The following ABCA3 variants were observed in gnomAD, a reference collection of about 807,000 sequenced individuals.
ABCA3 encodes the protein phospholipid-transporting ATPase ABCA3.
Under a neutral mutation model 172.8 loss-of-function variants are expected in ABCA3, and 88 were observed. That is an observed-to-expected ratio of 0.51 (90% CI 0.43 to 0.61). The LOEUF (loss-of-function observed/expected upper bound fraction) is 0.61, where lower values mean the gene tolerates loss of function less well. Ranked by LOEUF, ABCA3 falls within the 20% of genes least tolerant of loss-of-function variation. The pLI is 0.00. For missense variants in ABCA3, 2,164 were observed against 2,301.0 expected, an observed-to-expected ratio of 0.94 and a Z score of 1.22; for synonymous variants, 1,066 against 983.8, an observed-to-expected ratio of 1.08 and a Z score of -1.56.
chr16:2,299,089 C>G (rs982898380), intron 14 of ABCA3, among the ~76,000 whole-genome samples: 2 of 142,326 alleles, frequency 1.4e-5, no homozygotes, highest in African/African-American at 5.1e-5. Flanking sequence ...GCAGGGGTCC[C>G]TGGGGGTCCC....
In ABCA3 at chr16:2,319,623, G is replaced by C; in HGVS notation, c.831C>G (p.Thr277=). 1 of 1,613,508 alleles carries C rather than the reference G, an allele frequency of 6.2e-7. No individual in the cohort carries two copies. Among genetic ancestry groups the C allele is most frequent in the South Asian group, 1.1e-5 (1 of 91,088 alleles). ...TCTCCTGCACGACAGCACGGGCAAT[G>C]GTGAGCGCGGTGTAGGTGAAGCTGA... ...LLLSFTYTAL[T]IARAVVQEKE... The change falls in exon 8 of 33, where the codon ACC becomes ACG. Residue 277 remains threonine, a synonymous_variant. Coordinates refer to ENST00000301732, the MANE Select transcript of ABCA3 (RefSeq NM_001089.3).
Position 2,297,299 on chromosome 16 carries a change from A to G in ABCA3, c.2263+30T>C, listed in dbSNP as rs774613961. On this transcript the variant is annotated intron_variant, in intron 17 of 32. Coordinates refer to ENST00000301732, the MANE Select transcript of ABCA3 (RefSeq NM_001089.3). This position sits in a 1 kb window ranked among gnomAD's most constrained non-coding sequence, Gnocchi z 5.6. ...CCTCAGCACGGCAGCCAGGACACCGACCCTGTCGCGGGCTGGCCCCACCGC... is the reference window on the plus strand; with the variant it reads ...CCTCAGCACGGCAGCCAGGACACCGGCCCTGTCGCGGGCTGGCCCCACCGC... 19 of 1,605,186 alleles carry G rather than the reference A, an allele frequency of 1.2e-5. No homozygotes were observed. The East Asian group carries it at 4.0e-4, about 34-fold the overall frequency.
chr16:2,300,527 G>A (rs546099685), intron 12 of ABCA3, among the ~76,000 whole-genome samples: 2 of 152,158 alleles, frequency 1.3e-5, no homozygotes, highest in Non-Finnish European at 2.9e-5. Context: ...CATGCCACCC[G>A]GCTGTTTCTT....
rs1460148886 is a variant in ABCA3, at chr16:2,285,709, G to C, written c.3279-63C>G. 2.0e-6 allele frequency: 3 copies of C among 1,521,578 alleles called. No homozygotes were observed. Among genetic ancestry groups the C allele is most frequent in the Non-Finnish European group, 2.7e-6 (3 of 1,123,166 alleles). 94.3% of individuals were successfully genotyped at this position (1,521,578 alleles called of 1,614,324 possible). A position where few individuals can be genotyped will look rare whatever the true frequency, so the allele number is the denominator to read the frequency against. ...ACGTCTGGGTGGCAGGAGAGGTCGG[G>C]TTCTCGGTTATGACCGCCCAAGGCA... On this transcript the variant is annotated intron_variant, in intron 22 of 32. Coordinates refer to ENST00000301732, the MANE Select transcript of ABCA3 (RefSeq NM_001089.3). The surrounding 1 kb of genome is among the most constrained non-coding windows in gnomAD (Gnocchi z 4.7).
rs994877710 is a variant in ABCA3 at position 2,288,345 on chromosome 16, C to A, written c.2701-16G>T. ...GCAGGGCGAGCTGCGGCAGAGGGGA[C>A]GCAGGTGACACCGGCACCGCTTGGG... On this transcript the variant is annotated splice_polypyrimidine_tract_variant and intron_variant, in intron 20 of 32. Transcript: ENST00000301732. 2 of 1,541,988 alleles carry A rather than the reference C, an allele frequency of 1.3e-6. No individual in the cohort carries two copies. The highest frequency in any genetic ancestry group is 1.2e-5 in the South Asian group (1 of 84,600).
At chr16:2,299,840 G>A (rs997651752) in intron 13 of ABCA3, among the ~76,000 whole-genome samples, 165 bp downstream of exon 13, 1 of 152,192 alleles carries the variant, frequency 6.6e-6, no homozygotes, top group Admixed American at 6.5e-5. Context: ...TGTGCCCTGG[G>A]GAACCGGTTA....
Position 2,281,243 on chromosome 16 carries a change from C to T in ABCA3, c.4165-22G>A, listed in dbSNP as rs780837626. The T allele has an allele frequency of 1.2e-6, 2 of 1,613,328 alleles. No individual in the cohort carries two copies. Among genetic ancestry groups the T allele is most frequent in the Non-Finnish European group, 8.5e-7 (1 of 1,179,940 alleles). On this transcript the variant is annotated intron_variant, in intron 27 of 32. Transcript: ENST00000301732. This position sits in a 1 kb window ranked among gnomAD's most constrained non-coding sequence, Gnocchi z 4.7. ...ACACCTGCAGGCACCCAACAGAAAA[C>T]ACGGAATGCGGAGGCCTGGACGCAA...
chr16:2,307,865 A>G, intron 11 of ABCA3, among the ~76,000 whole-genome samples: 1 of 151,998 alleles, frequency 6.6e-6, no homozygotes, highest in African/African-American at 2.4e-5. Flanking sequence ...TCAGCCTCCC[A>G]AAGTGCTGGG....
intron 7 of ABCA3, 138 bp from the exon 8 acceptor site, chr16:2,319,978 T>C (rs1596862280): frequency 1.1e-5 from 12 of 1,077,758 alleles, no homozygotes; most frequent in Non-Finnish European, 1.6e-5. Context: ...CCGTGGCCGC[T>C]CAGTGGTCCC....
At chr16:2,320,472 G>A (rs533976995) in intron 7 of ABCA3, among the ~76,000 whole-genome samples, 7 of 132,246 alleles carry the variant, frequency 5.3e-5, no homozygotes, top group Admixed American at 2.3e-4. Context: ...TCACTGCAAC[G>A]TCTGCCTCCT....
At chr16:2,327,396 CA>C (rs1451871178) in intron 3 of ABCA3, among the ~76,000 whole-genome samples, 1 of 152,170 alleles carries the variant, frequency 6.6e-6, no homozygotes, top group African/African-American at 2.4e-5. Context: ...TATTTATTAC[CA>C]AAATATTCAG....
Position 2,300,218 on chromosome 16 carries a change from C to G in ABCA3, c.1468-70G>C. The G allele has an allele frequency of 1.9e-6, 3 of 1,600,418 alleles. No homozygotes were observed. In the Admixed American group the frequency reaches 5.0e-5, roughly 27 times the overall value. ...AGCAAAGCAACAACCAGCAGACACA[C>G]TAGATGCACACAGCCATGCAGCCTC... On this transcript the variant is annotated intron_variant, in intron 12 of 32. Coordinates refer to ENST00000301732, the MANE Select transcript of ABCA3 (RefSeq NM_001089.3).
Position 2,298,436 on chromosome 16 carries a change from T to C in ABCA3, c.1846A>G (p.Ile616Val). 6.2e-7 allele frequency: 1 copy of C among 1,614,134 alleles called. No individual in the cohort carries two copies. The highest frequency in any genetic ancestry group is 1.3e-5 in the African/African-American group (1 of 75,070). Reference sequence around the variant, plus strand: ...GCGACTGTCAAGTTGTCAAACAGGATGTCGTGCTGCGGGCACAGGCCCAGG... The same window carrying C: ...GCGACTGTCAAGTTGTCAAACAGGACGTCGTGCTGCGGGCACAGGCCCAGG... ...KSLGLCPQHDILFDNLTVAEH... is the reference protein window; with the variant it reads ...KSLGLCPQHDVLFDNLTVAEH... Residue 616 changes from isoleucine (I) to valine (V), a missense_variant, in exon 15 of 33, where the codon ATC becomes GTC. Ile to Val is a conservative substitution (Grantham distance 29). Coordinates refer to ENST00000301732, the MANE Select transcript of ABCA3 (RefSeq NM_001089.3).
Position 2,279,768 on chromosome 16 carries a change from G to GTAAGAC in ABCA3, c.4360-639_4360-638insGTCTTA. 6.7e-6 allele frequency among the ~76,000 whole-genome samples: 1 copy of GTAAGAC among 148,556 alleles called. No individual in the cohort carries two copies. Among genetic ancestry groups the GTAAGAC allele is most frequent in the Middle Eastern group, 3.4e-3 (1 of 292 alleles). On this transcript the variant is annotated intron_variant, in intron 28 of 32. Coordinates refer to ENST00000301732, the MANE Select transcript of ABCA3 (RefSeq NM_001089.3). The surrounding 1 kb of genome is among the most constrained non-coding windows in gnomAD (Gnocchi z 4.4). ...TTTTTTTTTTTTTTTTTGAGACAGA[G>GTAAGAC]TCTTACTCTGTCTCCCTTACACTGG...
At chr16:2,316,530 T>TAAAAAAAAAAAA in intron 10 of ABCA3, among the ~76,000 whole-genome samples, 1 of 31,448 alleles carries the variant, frequency 3.2e-5, no homozygotes, top group South Asian at 1.0e-3. Flanking sequence ...AAAAAAAAAT[T>TAAAAAAAAAAAA]AGCCAGGCGT....
rs2087122754 is a variant in ABCA3, at chr16:2,278,184, C to T, written c.4718+104G>A. Reference sequence around the variant, plus strand: ...TGATACCCATGCTCAGTGTGGCTCACGGGCAGACTCTGCACCAGATGCTGA... The same window carrying T: ...TGATACCCATGCTCAGTGTGGCTCATGGGCAGACTCTGCACCAGATGCTGA... On this transcript the variant is annotated intron_variant, in intron 30 of 32. Transcript: ENST00000301732. This position sits in a 1 kb window ranked among gnomAD's most constrained non-coding sequence, Gnocchi z 4.4. 2.5e-5 allele frequency: 40 copies of T among 1,594,852 alleles called. No homozygotes were observed. In the South Asian group the frequency reaches 3.2e-4, roughly 13 times the overall value.
chr16:2,340,265 C>T (rs1032175557), intron 1 of ABCA3, among the ~76,000 whole-genome samples: 17 of 152,268 alleles, frequency 1.1e-4, no homozygotes, highest in African/African-American at 4.1e-4. Context: ...TCCGCAGGGT[C>T]GAGCTTCCCC....
rs2093645606 is a variant in ABCA3 at position 2,275,930 on chromosome 16, G to A, written c.*744C>T. 1.0e-5 allele frequency: 2 copies of A among 194,800 alleles called. No individual in the cohort carries two copies. The highest frequency in any genetic ancestry group is 1.8e-4 in the South Asian group (2 of 11,080). 12.1% of individuals were successfully genotyped at this position (194,800 alleles called of 1,614,324 possible). A position where few individuals can be genotyped will look rare whatever the true frequency, so the allele number is the denominator to read the frequency against. ...TGGATGGTCACAACGTATTCAATGT[G>A]TCCTTGAGACAGCCACCCAGCCCTT... On this transcript the variant is annotated 3_prime_UTR_variant, in exon 33 of 33. Coordinates refer to ENST00000301732, the MANE Select transcript of ABCA3 (RefSeq NM_001089.3).
At chr16:2,332,239 T>C (rs1351216247) in intron 1 of ABCA3, 2 of 438,654 alleles carry the variant, frequency 4.6e-6, no homozygotes, top group Non-Finnish European at 8.3e-6. Context: ...ATTTCTTTTT[T>C]TTTTTTCCTT....
Sources: gnomAD v4.1 joint callset for allele counts (sites outside exome capture counted in the v4.1 genomes callset) on GRCh38, gnomAD v4.1.1 for gene constraint, Gnocchi (gnomAD v3.1) non-coding constraint, MANE v1.5 for transcripts, NCBI Gene and HGNC (gene_info 2026-07-23, HGNC 2026-07-21) for gene names.